Variants in WFDC8 observed in about 807,000 individuals in gnomAD.
WFDC8 encodes the protein WAP four-disulfide core domain 8.
A neutral mutation model predicts 27.0 loss-of-function variants in WFDC8; 24 were observed. That is an observed-to-expected ratio of 0.89 (90% CI 0.64 to 1.25). The LOEUF is 1.25. Among genes scored for constraint, WFDC8 ranks in the 50% most tolerant of loss-of-function variants. The pLI, the probability that WFDC8 is intolerant of heterozygous loss-of-function variation, is 0.00. For synonymous variants in WFDC8, 106 were observed against 99.7 expected (o/e 1.06, Z -0.38); for missense variants, 287 against 295.9 (o/e 0.97, Z 0.22).
At chr20:45,569,556 T>C (rs1980797810) in intron 1 of WFDC8, among the ~76,000 whole-genome samples, 1 of 152,224 alleles carries the variant, frequency 6.6e-6, no homozygotes, top group Non-Finnish European at 1.5e-5. Context: ...TTTAATTGCA[T>C]AGCAGTAGGA....
chr20:45,565,436 T>C (rs1176907827), intron 1 of WFDC8, among the ~76,000 whole-genome samples: 1 of 152,228 alleles, frequency 6.6e-6, no homozygotes, highest in Non-Finnish European at 1.5e-5. Context: ...TACTTTTTCC[T>C]GAAGTTGATT....
In WFDC8 at chr20:45,553,049, G is replaced by T. The variant is rs184215922; in HGVS notation, c.586+87C>A. 6,465 of 1,506,578 alleles carry T rather than the reference G, an allele frequency of 4.3e-3. 30 individuals are homozygous for T. The highest frequency in any genetic ancestry group is 5.1e-3 in the Non-Finnish European group (5,744 of 1,120,448). The allele number at this position is 1,506,578 out of a possible 1,614,324, so 93.3% of individuals were successfully genotyped here. On this transcript the variant is annotated intron_variant, in intron 5 of 5. Transcript: ENST00000289953. ...AAGATGAGCCCAAGGAGCATCTGAG[G>T]TTCAAGACACCCCCCACTCCATGGA...
chr20:45,566,776 A>G (rs1980693243), intron 1 of WFDC8, among the ~76,000 whole-genome samples: 1 of 152,232 alleles, frequency 6.6e-6, no homozygotes, highest in African/African-American at 2.4e-5. Context: ...AAAAAGGCAA[A>G]TAAATAAGTA....
intron 4 of WFDC8, among the ~76,000 whole-genome samples, chr20:45,555,265 A>AC (rs2145562087): frequency 6.6e-6 from 1 of 152,186 alleles, no homozygotes; most frequent in East Asian, 1.9e-4. Context: ...CTTCACCTTC[A>AC]CCCCACCCTA....
At chr20:45,559,555 G>A (rs1568637420) in intron 2 of WFDC8, among the ~76,000 whole-genome samples, 1 of 152,072 alleles carries the variant, frequency 6.6e-6, no homozygotes, top group Non-Finnish European at 1.5e-5. Context: ...AATAATCTTG[G>A]GAAAGTATTT....
chr20:45,555,976 A>T, intron 3 of WFDC8, 108 bp from the exon 4 acceptor site: 1 of 1,191,164 alleles, frequency 8.4e-7, no homozygotes, highest in Non-Finnish European at 1.2e-6. Flanking sequence ...CAAGTCATAA[A>T]AGGAGCCATG....
chr20:45,554,392 G>T (rs925753932), intron 4 of WFDC8, among the ~76,000 whole-genome samples: 2 of 152,120 alleles, frequency 1.3e-5, no homozygotes, highest in African/African-American at 4.8e-5. Context: ...ATGTAGAGCA[G>T]ATAGTGGATT....
In WFDC8 at chr20:45,562,206, G is replaced by A; in HGVS notation, c.40C>T (p.His14Tyr). The A allele has an allele frequency of 6.2e-7, 1 of 1,614,156 alleles. No homozygotes were observed. The change falls in exon 2 of 6, where the codon CAT (histidine) becomes TAT (tyrosine). Residue 14 changes from histidine (H) to tyrosine (Y), a missense_variant. By Grantham distance (83) the His-to-Tyr change is moderately conservative (BLOSUM62 2). Transcript: ENST00000289953. ...TTCCTCCAGGAGAAGGTGGGGCTAT[G>A]GAGAGGAAAGTGCCTGTATGGATGA... ...VRTEGGHFPL[H>Y]SPTFSWRNVA... is the part of the protein sequence containing the mutation.
chr20:45,572,538 T>G (rs1356331090), intron 1 of WFDC8, among the ~76,000 whole-genome samples: 2 of 152,220 alleles, frequency 1.3e-5, no homozygotes, highest in Admixed American at 6.5e-5. Context: ...TCCCTGTTGA[T>G]TAATGATGTT....
At chr20:45,566,458 T>C (rs945378682) in intron 1 of WFDC8, among the ~76,000 whole-genome samples, 4 of 152,116 alleles carry the variant, frequency 2.6e-5, no homozygotes, top group African/African-American at 9.7e-5. Flanking sequence ...GGTCAGGAGT[T>C]CAAGACCAGC....
intron 3 of WFDC8, 40 bp from the exon 4 acceptor site, chr20:45,555,908 G>C: frequency 6.3e-7 from 1 of 1,592,990 alleles, no homozygotes; most frequent in South Asian, 1.1e-5. Context: ...ATGAAGAGTA[G>C]AGATAAAAGA....
intron 1 of WFDC8, among the ~76,000 whole-genome samples, chr20:45,564,518 CA>C (rs1463659584): frequency 6.6e-6 from 1 of 151,948 alleles, no homozygotes; most frequent in African/African-American, 2.4e-5. Context: ...AAACAAAATA[CA>C]AAAAATTAAC....
At position 45,558,976 on chromosome 20, in the gene WFDC8, A is replaced by G. The variant is rs764170643; in HGVS notation, c.153T>C (p.Cys51=). Residue 51 remains cysteine (C), a synonymous_variant, in exon 3 of 6, where the codon TGT becomes TGC. Transcript: ENST00000289953. ...TKKIKHKPGL[C]PKERLTCTTE... ...TGGTACAGGTGAGCCTCTCTTTGGG[A>G]CATAACCCTGGTTTGTCTGCAAGAA... The G allele has an allele frequency of 1.1e-5, 17 of 1,614,068 alleles. No homozygotes were observed. Among genetic ancestry groups the G allele is most frequent in the Middle Eastern group, 3.3e-4 (2 of 6,060 alleles).
intron 3 of WFDC8, among the ~76,000 whole-genome samples, chr20:45,557,648 G>A (rs6032316): frequency 0.38 from 57,927 of 151,654 alleles, 11,469 homozygotes; most frequent in Non-Finnish European, 0.43. Flanking sequence ...GGTCAGGCTG[G>A]TGTCGAACTC....
At chr20:45,552,203 CT>C in intron 5 of WFDC8, 38 bp from the exon 6 acceptor site, 3 of 1,606,686 alleles carry the variant, frequency 1.9e-6, no homozygotes, top group Non-Finnish European at 2.5e-6. Flanking sequence ...CCTTGAAATA[CT>C]TGGTCATAAT....
chr20:45,567,519 A>G (rs894710994), intron 1 of WFDC8, among the ~76,000 whole-genome samples: 5 of 152,228 alleles, frequency 3.3e-5, no homozygotes, highest in African/African-American at 1.2e-4. Context: ...AACGGCCCAT[A>G]CAGAAACAGT....
intron 1 of WFDC8, chr20:45,568,771 G>A (rs1383376968): frequency 1.7e-5 from 8 of 461,078 alleles, no homozygotes; most frequent in South Asian, 8.4e-5. Context: ...TGACACTCTC[G>A]ATAATTACAA....
chr20:45,577,056 A>G lies in WFDC8; in HGVS notation c.26+2166T>C, dbSNP rs532176424. On this transcript the variant is annotated intron_variant, in intron 1 of 5. Transcript: ENST00000289953. Reference sequence around the variant, plus strand: ...TTTGTGGTCATTCAGGGATATGTGCAGAATGGCAAAAAATTTGAGTCCCCC... The same window carrying G: ...TTTGTGGTCATTCAGGGATATGTGCGGAATGGCAAAAAATTTGAGTCCCCC... Among the ~76,000 whole-genome samples the G allele has an allele frequency of 2.0e-5, 3 of 151,586 alleles. 1 individual carries two copies. The South Asian group carries it at 6.3e-4, about 32-fold the overall frequency.
chr20:45,568,118 T>C, intron 1 of WFDC8: 1 of 371,660 alleles, frequency 2.7e-6, no homozygotes, highest in South Asian at 2.8e-5. Context: ...AAAAATGGTC[T>C]GAACTGAAAA....
Sources: gnomAD v4.1 joint callset for allele counts (sites outside exome capture counted in the v4.1 genomes callset) on GRCh38, gnomAD v4.1.1 for gene constraint, MANE v1.5 for transcripts, NCBI Gene and HGNC (gene_info 2026-07-23, HGNC 2026-07-21) for gene names.